Variants in NKTR observed in about 807,000 individuals in gnomAD.
NKTR encodes the protein NK-tumor recognition protein.
Under a neutral mutation model 156.3 loss-of-function variants are expected in NKTR, and 67 were observed. The observed-to-expected ratio is 0.43, with a 90% CI of 0.35 to 0.53. The LOEUF is 0.53. Ranked by LOEUF, NKTR falls within the 20% of genes least tolerant of loss-of-function variation. The pLI, the probability that NKTR is intolerant of heterozygous loss-of-function variation, is 0.01. For missense variants in NKTR, 1,604 were observed against 1,730.9 expected (o/e 0.93, Z 1.30); for synonymous variants, 640 against 596.6 (o/e 1.07, Z -1.06).
At chr3:42,641,015 TG>T (rs746072302) in intron 13 of NKTR, among the ~76,000 whole-genome samples, 2 of 151,858 alleles carry the variant, frequency 1.3e-5, no homozygotes, top group Admixed American at 1.3e-4. Flanking sequence ...TGCCTTGGAG[TG>T]GGTGGTATTT....
In NKTR at chr3:42,633,671, C is replaced by A; in HGVS notation, c.865C>A (p.Pro289Thr). Reference protein sequence around the residue: ...KPVVRPEEIPPVPENRFLLRR... With the variant: ...KPVVRPEEIPTVPENRFLLRR... Reference sequence around the variant, plus strand: ...TGTGGTCCGCCCAGAAGAGATTCCTCCAGTGCCTGAGAACCGATTTTTACT... The same window carrying A: ...TGTGGTCCGCCCAGAAGAGATTCCTACAGTGCCTGAGAACCGATTTTTACT... Residue 289 changes from proline to threonine, a missense_variant, in exon 10 of 17, where the codon CCA (proline) becomes ACA (threonine). By Grantham distance (38) the Pro-to-Thr change is conservative. Transcript: ENST00000232978. 2 of 1,614,132 alleles carry A rather than the reference C, an allele frequency of 1.2e-6. No homozygotes were observed. The highest frequency in any genetic ancestry group is 1.7e-6 in the Non-Finnish European group (2 of 1,179,994).
In NKTR at chr3:42,637,780, AAGGAGCAGATCTTCT is replaced by A; in HGVS notation, c.2082_2096del (p.Ser697_Ser701del). The A allele has an allele frequency of 1.2e-6, 2 of 1,613,902 alleles. No individual in the cohort carries two copies. The highest frequency in any genetic ancestry group is 1.7e-6 in the Non-Finnish European group (2 of 1,179,956). On this transcript the variant is annotated inframe_deletion, in exon 13 of 17. Transcript: ENST00000232978. ...GAAGTTCAGAAAGCTCACCAAGGTC[AAGGAGCAGATCTTCT>A]AGGAGTAGATCTTATTCCAGATCAT...
chr3:42,642,770 C>T lies in NKTR; in HGVS notation c.4142+174C>T, dbSNP rs78540412. On this transcript the variant is annotated intron_variant, in intron 14 of 16. Transcript: ENST00000232978. The stretch of plus-strand genomic sequence containing the variant: ...AGCTGTGGAATTCTTGACTATTCCT[C>T]TGTTGGGATCTTATCAGAGTGAGGC... Among the ~76,000 whole-genome samples the T allele has an allele frequency of 9.4e-4, 143 of 152,328 alleles. 4 individuals carry two copies. In the East Asian group the frequency reaches 0.021, roughly 22 times the overall value.
rs139121502 is a variant in NKTR at position 42,639,174 on chromosome 3, A to T, written c.3470A>T (p.Asp1157Val). ...GGAAATGCACGGCTTGATACCCCAGATATAAACATTGTTTTGAAGCAGGAT... is the reference window on the plus strand; with the variant it reads ...GGAAATGCACGGCTTGATACCCCAGTTATAAACATTGTTTTGAAGCAGGAT... ...PLGNARLDTP[D>V]INIVLKQDMA... Residue 1157 changes from aspartate to valine, a missense_variant, in exon 13 of 17, where the codon GAT (aspartate) becomes GTT (valine). Asp to Val is a radical substitution (Grantham distance 152, BLOSUM62 -3). This residue lies in a region of NKTR where 1,255 missense variants were observed against 1,243.7 expected (regional missense o/e 1.01). Coordinates refer to ENST00000232978, the MANE Select transcript of NKTR (RefSeq NM_005385.4). 2 of 1,614,056 alleles carry T rather than the reference A, an allele frequency of 1.2e-6. No homozygotes were observed. The highest frequency in any genetic ancestry group is 1.7e-6 in the Non-Finnish European group (2 of 1,180,026).
chr3:42,627,464 TATTA>T, intron 6 of NKTR: 16 of 985,330 alleles, frequency 1.6e-5, no homozygotes, highest in Non-Finnish European at 1.9e-5. Flanking sequence ...GGAGTGGGGT[TATTA>T]GTTTATAGTA....
Position 42,637,341 on chromosome 3 carries a change from G to A in NKTR, c.1637G>A (p.Arg546Gln), listed in dbSNP as rs1281425820. 3.1e-6 allele frequency: 5 copies of A among 1,614,126 alleles called. No homozygotes were observed. The highest frequency in any genetic ancestry group is 2.7e-5 in the African/African-American group (2 of 75,028). ...GCGTCAAAGTCCTCATCACATTCTC[G>A]AAGTAGATCAAAGTCCAGATCTAGT... ...RTASKSSSHS[R>Q]SRSKSRSSSK... The change falls in exon 13 of 17, where the codon CGA becomes CAA. Residue 546 changes from arginine to glutamine, a missense_variant. By Grantham distance (43) the Arg-to-Gln change is conservative. Transcript: ENST00000232978.
At chr3:42,642,003 A>G (rs372575880) in intron 13 of NKTR, among the ~76,000 whole-genome samples, 1 of 152,204 alleles carries the variant, frequency 6.6e-6, no homozygotes, top group African/African-American at 2.4e-5. Flanking sequence ...CTTTACCCCA[A>G]GTGTTTCTAT....
intron 6 of NKTR, among the ~76,000 whole-genome samples, chr3:42,626,075 G>A (rs1231123119): frequency 2.0e-5 from 3 of 151,988 alleles, no homozygotes; most frequent in African/African-American, 7.2e-5. Flanking sequence ...AGTTTCAGGA[G>A]TTGAAGGGAA....
chr3:42,619,156 C>A lies in NKTR; in HGVS notation c.241+29C>A, dbSNP rs957941948. 4 of 1,587,470 alleles carry A rather than the reference C, an allele frequency of 2.5e-6. No individual in the cohort carries two copies. In the African/African-American group the frequency reaches 5.5e-5, roughly 22 times the overall value. ...GAGCTAAAAGTTGTGTTCCTAATAA[C>A]TCCATCTATCAGTTTTTAAAGTATT... is the stretch of plus-strand genomic sequence containing the variant. On this transcript the variant is annotated intron_variant, in intron 4 of 16. Coordinates refer to ENST00000232978, the MANE Select transcript of NKTR (RefSeq NM_005385.4).
chr3:42,626,491 C>T lies in NKTR; in HGVS notation c.375-4055C>T, dbSNP rs191465537. On this transcript the variant is annotated intron_variant, in intron 6 of 16. Transcript: ENST00000232978. ...TGTGGCTAAGATTTGACTGCACTTA[C>T]GCTTTCATCTCTCTTGCCTTTTTAT... 1.3e-4 allele frequency among the ~76,000 whole-genome samples: 20 copies of T among 152,236 alleles called. 1 individual carries two copies. In the East Asian group the frequency reaches 1.3e-3, roughly 10 times the overall value.
chr3:42,637,983 G>C lies in NKTR; in HGVS notation c.2279G>C (p.Arg760Thr), dbSNP rs752345781. The change falls in exon 13 of 17, where the codon AGA (arginine) becomes ACA (threonine). Residue 760 changes from arginine (R) to threonine (T), a missense_variant. Physicochemically the swap from Arg to Thr is moderately conservative, Grantham distance 71. Around this residue, in one of 6 missense-constraint regions of NKTR, gnomAD observed 1,255 missense variants for 1,243.7 expected, o/e 1.01. Coordinates refer to ENST00000232978, the MANE Select transcript of NKTR (RefSeq NM_005385.4). Reference protein sequence around the residue: ...DDGRRAKRRLRSSGKKNSVSH... With the variant: ...DDGRRAKRRLTSSGKKNSVSH... ...GGAAGGCGAGCTAAGAGGAGACTTA[G>C]ATCCAGTGGGAAAAAAAATAGCGTT... 5.6e-6 allele frequency: 9 copies of C among 1,613,984 alleles called. No individual in the cohort carries two copies. Among genetic ancestry groups the C allele is most frequent in the Non-Finnish European group, 6.8e-6 (8 of 1,180,010 alleles).
intron 6 of NKTR, chr3:42,627,538 T>C: frequency 4.2e-5 from 41 of 985,046 alleles, no homozygotes; most frequent in Non-Finnish European, 4.9e-5. Flanking sequence ...CAAAAGGTTC[T>C]CTGATAATGG....
At chr3:42,615,368 C>T (rs879273242) in intron 2 of NKTR, among the ~76,000 whole-genome samples, 90 of 151,722 alleles carry the variant, frequency 5.9e-4, no homozygotes, top group Non-Finnish European at 1.1e-3. Flanking sequence ...CGTGAGCCAC[C>T]ATGCCTGGCC....
rs1710378564 is a variant in NKTR at position 42,646,939 on chromosome 3, T to C, written c.*964T>C. On this transcript the variant is annotated 3_prime_UTR_variant, in exon 17 of 17. Coordinates refer to ENST00000232978, the MANE Select transcript of NKTR (RefSeq NM_005385.4). Reference sequence around the variant, plus strand: ...ATTGGCAGTAAGAGATATTGGCCACTCAAGTCTACTGTGTGTGTGTGCCTC... The same window carrying C: ...ATTGGCAGTAAGAGATATTGGCCACCCAAGTCTACTGTGTGTGTGTGCCTC... The C allele has an allele frequency of 6.6e-6, 1 of 152,226 alleles. No homozygotes were observed. Among genetic ancestry groups the C allele is most frequent in the South Asian group, 2.1e-4 (1 of 4,824 alleles). The allele number at this position is 152,226 out of a possible 1,614,324, so 9.4% of individuals were successfully genotyped here. A position where few individuals can be genotyped will look rare whatever the true frequency, so the allele number is the denominator to read the frequency against.
At position 42,638,742 on chromosome 3, in the gene NKTR, C is replaced by A. The variant is rs1228582844; in HGVS notation, c.3038C>A (p.Ala1013Glu). Residue 1013 changes from alanine (A) to glutamate (E), a missense_variant, in exon 13 of 17, where the codon GCA (alanine) becomes GAA (glutamate). Transcript: ENST00000232978. Reference sequence around the variant, plus strand: ...CATAAGGCTCCAAAACGAAAGCAAGCATTTCACTGGCAGCCTCCACTAGAA... The same window carrying A: ...CATAAGGCTCCAAAACGAAAGCAAGAATTTCACTGGCAGCCTCCACTAGAA... The part of the protein sequence containing the change: ...KKHKAPKRKQ[A>E]FHWQPPLEFG... 20 of 1,613,864 alleles carry A rather than the reference C, an allele frequency of 1.2e-5. No homozygotes were observed. The highest frequency in any genetic ancestry group is 1.7e-5 in the Non-Finnish European group (20 of 1,180,036).
At position 42,619,992 on chromosome 3, in the gene NKTR, G is replaced by A. The variant is rs925676117; in HGVS notation, c.286+284G>A. ...AACTCCTATCTTCCTGCCTAAAACT[G>A]TCAACATATTCTTTTGTTTATAGAG... On this transcript the variant is annotated intron_variant, in intron 5 of 16. Coordinates refer to ENST00000232978, the MANE Select transcript of NKTR (RefSeq NM_005385.4). The A allele has an allele frequency of 3.3e-6, 5 of 1,532,974 alleles. No homozygotes were observed. The South Asian group carries it at 6.0e-5, about 18-fold the overall frequency. 95.0% of individuals were successfully genotyped at this position (1,532,974 alleles called of 1,614,324 possible). A position where few individuals can be genotyped will look rare whatever the true frequency, so the allele number is the denominator to read the frequency against.
chr3:42,647,303 G>GTGTGTGTGTGTGTGT lies in NKTR; in HGVS notation c.*1329_*1330insGTGTGTGTGTGTGTT, dbSNP rs796657249. ...GTGTGTGTGTGTGTGTGTGTGTGTG[G>GTGTGTGTGTGTGTGT]TTTTTTTTTTTAATCTTTACTTTGA... On this transcript the variant is annotated 3_prime_UTR_variant, in exon 17 of 17. Transcript: ENST00000232978. 4 of 101,260 alleles carry GTGTGTGTGTGTGTGT rather than the reference G, an allele frequency of 4.0e-5. No homozygotes were observed. The highest frequency in any genetic ancestry group is 7.7e-5 in the African/African-American group (2 of 25,912). 6.3% of individuals were successfully genotyped at this position (101,260 alleles called of 1,614,324 possible). A position where few individuals can be genotyped will look rare whatever the true frequency, so the allele number is the denominator to read the frequency against.
At chr3:42,623,394 A>G (rs1708092630) in intron 6 of NKTR, among the ~76,000 whole-genome samples, 1 of 152,100 alleles carries the variant, frequency 6.6e-6, no homozygotes, top group African/African-American at 2.4e-5. Flanking sequence ...GGAGTAAGCA[A>G]TCCTGGAAGT....
At chr3:42,630,709 G>A in intron 7 of NKTR, 134 bp downstream of exon 7, 1 of 1,478,462 alleles carries the variant, frequency 6.8e-7, no homozygotes. Context: ...CTATTCCTTA[G>A]GATCACAGAA....
Sources: allele counts gnomAD v4.1 joint callset (sites outside exome capture counted in the v4.1 genomes callset), GRCh38; gene constraint gnomAD v4.1.1; regional missense constraint gnomAD v4.1.1; transcripts MANE v1.5; gene names NCBI Gene and HGNC (gene_info 2026-07-23, HGNC 2026-07-21).